PIWIL1: variants seen among roughly 807,000 people sequenced by gnomAD.
PIWIL1 encodes piwi-like protein 1.
In PIWIL1, 73 loss-of-function variants were observed where a neutral mutation model predicts 114.4. The observed-to-expected ratio is 0.64, with a 90% CI of 0.53 to 0.78. The LOEUF is 0.78. PIWIL1 is among the 30% of genes least tolerant of loss of function. The pLI is 0.00. For synonymous variants in PIWIL1, 375 were observed against 369.0 expected (o/e 1.02, Z -0.19); for missense variants, 723 against 1,063.1 (o/e 0.68, Z 4.45).
chr12:130,421,935 G>A, the PIWIL1 span, among the ~76,000 whole-genome samples: 2 of 152,188 alleles, frequency 1.3e-5, no homozygotes, highest in East Asian at 1.9e-4. Flanking sequence ...GCCAGATGAC[G>A]ACTCATGAGC....
In PIWIL1 at chr12:130,356,966, G is replaced by T. The variant is rs531921662; in HGVS notation, c.1453G>T (p.Ala485Ser). The T allele has an allele frequency of 6.2e-7, 1 of 1,613,030 alleles. No individual in the cohort carries two copies. Among genetic ancestry groups the T allele is most frequent in the African/African-American group, 1.3e-5 (1 of 75,044 alleles). ...FADWSKETRG[A>S]PLISVKPLDN... ...AGATTGGTCCAAAGAAACAAGAGGT[G>T]CACCATTAATTAGTGTTAAGCCACT... The change falls in exon 13 of 21, where the codon GCA (alanine) becomes TCA (serine). Residue 485 changes from alanine (A) to serine (S), a missense_variant. Ala to Ser is a moderately conservative substitution (Grantham distance 99, BLOSUM62 1). Around this residue, in one of 8 missense-constraint regions of PIWIL1, gnomAD observed 298 missense variants for 420.8 expected, o/e 0.71. Transcript: ENST00000245255.
chr12:130,414,506 C>G, the PIWIL1 span: 1 of 503,198 alleles, frequency 2.0e-6, no homozygotes, highest in South Asian at 2.6e-5. Context: ...CAGCCACACT[C>G]TGTACCTGGC....
At chr12:130,367,325 A>G (rs2073688271) in intron 19 of PIWIL1, 67 bp downstream of exon 19, 13 of 1,385,068 alleles carry the variant, frequency 9.4e-6, no homozygotes, top group South Asian at 1.6e-5. Flanking sequence ...CATGGCCCCT[A>G]TGCTTTACCA....
the PIWIL1 span, among the ~76,000 whole-genome samples, chr12:130,420,686 A>C: frequency 4.6e-5 from 7 of 152,218 alleles, no homozygotes; most frequent in Non-Finnish European, 8.8e-5. This position sits in a 1 kb window ranked among gnomAD's most constrained non-coding sequence, Gnocchi z 4.3. Context: ...AAAAATAATT[A>C]TTTAAGCCAA....
chr12:130,423,645 G>A, the PIWIL1 span, among the ~76,000 whole-genome samples: 1 of 83,534 alleles, frequency 1.2e-5, no homozygotes. Flanking sequence ...AAGAACTTTG[G>A]AAACAATATG....
the PIWIL1 span, chr12:130,424,691 C>T: frequency 4.1e-6 from 5 of 1,232,052 alleles, no homozygotes; most frequent in South Asian, 4.1e-5. The surrounding 1 kb of genome is among the most constrained non-coding windows in gnomAD (Gnocchi z 9.8). Flanking sequence ...CCAGCCCCGT[C>T]CTGGCCCTGG....
In PIWIL1 at chr12:130,354,516, AC is replaced by A. The variant is rs764322395; in HGVS notation, c.1045-18del. ...CTCGAGGCATTTGCCGTGAACAGCG[AC>A]CCTTTCGTCTCTTGAGCAGCAATAC... On this transcript the variant is annotated intron_variant, in intron 9 of 20. Transcript: ENST00000245255. The A allele has an allele frequency of 1.6e-5, 26 of 1,613,796 alleles. 1 individual carries two copies. The South Asian group carries it at 1.8e-4, about 11-fold the overall frequency.
chr12:130,405,373 C>G, the PIWIL1 span, among the ~76,000 whole-genome samples: 12,478 of 152,242 alleles, frequency 0.082, 716 homozygotes, highest in South Asian at 0.21. Context: ...GAAGAGAAAC[C>G]TACCGTCCAG....
At chr12:130,412,585 G>A in the PIWIL1 span, 1 of 1,597,016 alleles carries the variant, frequency 6.3e-7, no homozygotes, top group Non-Finnish European at 8.6e-7. Flanking sequence ...GGGATAAAAT[G>A]CACAGGGAAG....
chr12:130,355,501 C>G, intron 11 of PIWIL1, 52 bp from the exon 12 acceptor site: 4 of 1,322,532 alleles, frequency 3.0e-6, no homozygotes, highest in Non-Finnish European at 4.4e-6. Context: ...TTGACTGTGT[C>G]TTCTTGCTGT....
chr12:130,341,329 C>A (rs533140923), intron 1 of PIWIL1, among the ~76,000 whole-genome samples: 1 of 152,214 alleles, frequency 6.6e-6, no homozygotes, highest in Non-Finnish European at 1.5e-5. Flanking sequence ...TACCACCCTA[C>A]CTTCCAATTC....
the PIWIL1 span, chr12:130,424,631 C>T: frequency 1.6e-6 from 2 of 1,231,918 alleles, no homozygotes; most frequent in East Asian, 3.2e-5. This position sits in a 1 kb window ranked among gnomAD's most constrained non-coding sequence, Gnocchi z 9.8. Context: ...ACCAGGAGCC[C>T]CGAGGGGCCT....
At chr12:130,364,638 G>C (rs982833264) in intron 18 of PIWIL1, among the ~76,000 whole-genome samples, 1 of 152,058 alleles carries the variant, frequency 6.6e-6, no homozygotes, top group Non-Finnish European at 1.5e-5. Context: ...CTTATATTTT[G>C]TCAAATAATG....
At chr12:130,404,586 A>T in the PIWIL1 span, among the ~76,000 whole-genome samples, 1 of 152,204 alleles carries the variant, frequency 6.6e-6, no homozygotes, top group East Asian at 1.9e-4. Flanking sequence ...CGGCCGTTGG[A>T]TCTATATAGT....
chr12:130,402,353 C>T, the PIWIL1 span, among the ~76,000 whole-genome samples: 1 of 152,074 alleles, frequency 6.6e-6, no homozygotes, highest in Admixed American at 6.6e-5. Flanking sequence ...AAGGCTCCCC[C>T]AGACGACATT....
the PIWIL1 span, among the ~76,000 whole-genome samples, chr12:130,409,403 C>CGCGAT: frequency 8.1e-6 from 1 of 123,664 alleles, no homozygotes; most frequent in African/African-American, 3.0e-5. Flanking sequence ...AGTGCAGTGG[C>CGCGAT]GCGATCCCGG....
rs752995669 is a variant in PIWIL1 at position 130,367,239 on chromosome 12, G to A, written c.2302G>A (p.Glu768Lys). ...ACTTCCTGGAACAGTTATTGATGTA[G>A]AGGTTACCAGACCAGAATGGTAAGT... ...NPLPGTVIDV[E>K]VTRPEWYDFF... is the part of the protein sequence containing the mutation. Residue 768 changes from glutamate to lysine, a missense_variant, in exon 19 of 21, where the codon GAG becomes AAG. Glu to Lys is a moderately conservative substitution (Grantham distance 56). This residue lies in a region of PIWIL1 where 106 missense variants were observed against 182.8 expected (regional missense o/e 0.58). Transcript: ENST00000245255. 1 of 1,613,930 alleles carries A rather than the reference G, an allele frequency of 6.2e-7. No homozygotes were observed. Among genetic ancestry groups the A allele is most frequent in the Admixed American group, 1.7e-5 (1 of 60,018 alleles).
At chr12:130,407,673 G>T in the PIWIL1 span, 1 of 1,394,140 alleles carries the variant, frequency 7.2e-7, no homozygotes, top group Non-Finnish European at 1.0e-6. Flanking sequence ...GTACCACGAG[G>T]GAAGGGAAGG....
intron 3 of PIWIL1, 138 bp from the exon 4 acceptor site, chr12:130,345,615 A>ATG (rs2073049061): frequency 1.2e-6 from 1 of 853,748 alleles, no homozygotes; most frequent in Admixed American, 2.5e-5. Context: ...TACCTAAAAC[A>ATG]TGTTGATAGG....
Sources: allele counts gnomAD v4.1 joint callset (sites outside exome capture counted in the v4.1 genomes callset), GRCh38; gene constraint gnomAD v4.1.1; regional missense constraint gnomAD v4.1.1; non-coding constraint Gnocchi (gnomAD v3.1); transcripts MANE v1.5; gene names NCBI Gene and HGNC (gene_info 2026-07-23, HGNC 2026-07-21).